MPP4: variants seen among roughly 807,000 people sequenced by gnomAD.
MPP4 encodes the protein MAGUK p55 subfamily member 4.
Under a neutral mutation model 98.3 loss-of-function variants are expected in MPP4, and 91 were observed. The ratio of observed to expected loss-of-function variants is 0.93; its 90% CI spans 0.78 to 1.10. MPP4 has a LOEUF of 1.10. Ranked by LOEUF, MPP4 falls within the 50% of genes least tolerant of loss-of-function variation. The pLI is 0.00. For synonymous variants in MPP4, 261 were observed against 271.8 expected (o/e 0.96, Z 0.39); for missense variants, 744 against 792.9 (o/e 0.94, Z 0.74).
intron 1 of MPP4, among the ~76,000 whole-genome samples, chr2:201,695,139 C>G (rs1443773430): frequency 6.6e-6 from 1 of 152,094 alleles, no homozygotes; most frequent in Non-Finnish European, 1.5e-5. Flanking sequence ...CCACGAAGTC[C>G]TCAGGGAATA....
chr2:201,681,824 C>CT (rs1390660891), intron 8 of MPP4, among the ~76,000 whole-genome samples: 5 of 150,790 alleles, frequency 3.3e-5, no homozygotes, highest in African/African-American at 9.9e-5. Flanking sequence ...CCAGGGACCC[C>CT]CCCCCACCCT....
At chr2:201,678,263 A>G (rs1688571367) in intron 10 of MPP4, among the ~76,000 whole-genome samples, 1 of 150,990 alleles carries the variant, frequency 6.6e-6, no homozygotes, top group Non-Finnish European at 1.5e-5. Flanking sequence ...ATGAGGACTA[A>G]TCTCATTAGG....
chr2:201,663,360 C>T (rs757788977), intron 14 of MPP4, among the ~76,000 whole-genome samples: 4 of 152,184 alleles, frequency 2.6e-5, no homozygotes, highest in Non-Finnish European at 5.9e-5. Flanking sequence ...ACATCAGGGA[C>T]AGTACTAGCC....
chr2:201,693,303 G>A (rs568067977), intron 2 of MPP4, among the ~76,000 whole-genome samples: 1 of 152,250 alleles, frequency 6.6e-6, no homozygotes, highest in Admixed American at 6.5e-5. Context: ...ATAATAGATC[G>A]TGATGTGCAG....
chr2:201,654,811 C>A lies in MPP4; in HGVS notation c.1381+26G>T, dbSNP rs181034495. 3.0e-5 allele frequency: 47 copies of A among 1,550,126 alleles called. No homozygotes were observed. The East Asian group carries it at 8.1e-4, about 27-fold the overall frequency. On this transcript the variant is annotated intron_variant, in intron 18 of 21. Transcript: ENST00000409474. The stretch of plus-strand genomic sequence containing the variant: ...AAGAAAGTTTTACCAAAACACAAAC[C>A]ATTATGAAAGCAGAACTAAACATAC...
intron 10 of MPP4, chr2:201,680,247 A>G (rs1484608884): frequency 6.6e-6 from 1 of 152,574 alleles, no homozygotes; most frequent in Admixed American, 6.5e-5. Flanking sequence ...GGCTGCTATA[A>G]CAAAGTACCG....
chr2:201,682,542 G>A (rs886447822), intron 8 of MPP4, among the ~76,000 whole-genome samples: 1 of 152,212 alleles, frequency 6.6e-6, no homozygotes, highest in Non-Finnish European at 1.5e-5. Flanking sequence ...AGCAAACCAG[G>A]TGATGAGGGA....
intron 18 of MPP4, chr2:201,651,588 A>G: frequency 1.0e-6 from 1 of 985,078 alleles, no homozygotes; most frequent in South Asian, 4.7e-5. Context: ...TGAATGATTA[A>G]AAATCTACGT....
At position 201,685,994 on chromosome 2, in the gene MPP4, A is replaced by T. The variant is rs1367698143; in HGVS notation, c.417T>A (p.Pro139=). Residue 139 remains proline (P), a synonymous_variant, in exon 6 of 22, where the codon CCT becomes CCA. Coordinates refer to ENST00000409474, the MANE Select transcript of MPP4 (RefSeq NM_033066.3). ...IAQKDFEPLL[P]PLPDNIPESE... ...TCTCAGGGATATTGTCTGGCAGTGG[A>T]GGGAGAAGGGGTTCAAAATCTTTCT... 2 of 1,612,912 alleles carry T rather than the reference A, an allele frequency of 1.2e-6. No homozygotes were observed. The highest frequency in any genetic ancestry group is 3.3e-4 in the Middle Eastern group (2 of 6,046).
chr2:201,656,914 A>C (rs1278467949), intron 16 of MPP4, among the ~76,000 whole-genome samples: 1 of 152,210 alleles, frequency 6.6e-6, no homozygotes, highest in Non-Finnish European at 1.5e-5. Context: ...AACAGCAAGG[A>C]AGCCTGTATA....
chr2:201,661,391 A>C (rs977153910), intron 14 of MPP4: 3 of 456,414 alleles, frequency 6.6e-6, no homozygotes, highest in African/African-American at 6.0e-5. Context: ...GCATCATGGA[A>C]TGAATGCCAA....
chr2:201,655,347 C>T lies in MPP4; in HGVS notation c.1301-430G>A, dbSNP rs139753430. Among the ~76,000 whole-genome samples, 128 of 152,276 alleles carry T rather than the reference C, an allele frequency of 8.4e-4. 2 individuals carry two copies. Among genetic ancestry groups the T allele is most frequent in the African/African-American group, 2.8e-3 (116 of 41,544 alleles). ...CAGGGGCACATTCCTGACAGATGAT[C>T]GATCAGCACCCCCATGTCCGGCCGG... On this transcript the variant is annotated intron_variant, in intron 17 of 21. Transcript: ENST00000409474.
At chr2:201,649,467 T>C in intron 20 of MPP4, 109 bp downstream of exon 20, 2 of 761,926 alleles carry the variant, frequency 2.6e-6, no homozygotes, top group Non-Finnish European at 4.4e-6. Flanking sequence ...GCCTTATTCT[T>C]AAAAGGCTAA....
intron 1 of MPP4, among the ~76,000 whole-genome samples, chr2:201,697,227 G>C (rs1208068): frequency 1.1e-3 from 163 of 152,264 alleles, no homozygotes; most frequent in African/African-American, 3.5e-3. Flanking sequence ...AGAACTGTAT[G>C]AGAAAATACA....
chr2:201,681,073 T>C (rs1688652349), intron 9 of MPP4, 39 bp from the exon 10 acceptor site: 1 of 1,586,038 alleles, frequency 6.3e-7, no homozygotes, highest in Non-Finnish European at 8.6e-7. Context: ...AGAAGGTGCC[T>C]AATGGTGCCA....
At chr2:201,648,417 G>A (rs1028123622) in intron 20 of MPP4, among the ~76,000 whole-genome samples, 1 of 152,140 alleles carries the variant, frequency 6.6e-6, no homozygotes, top group Non-Finnish European at 1.5e-5. Context: ...TTAGAGTATA[G>A]TCTCATGTAC....
rs1687521035 is a variant in MPP4, at chr2:201,644,908, CTCTT to C, written c.*298_*301del. On this transcript the variant is annotated 3_prime_UTR_variant, in exon 22 of 22. Transcript: ENST00000409474. The stretch of plus-strand genomic sequence containing the variant: ...CTATTGCTTATTTTATTTAGGAAAG[CTCTT>C]TATTTAAATCTTAAAAAGATCATGT... 9.6e-6 allele frequency: 2 copies of C among 208,572 alleles called. No individual in the cohort carries two copies. The highest frequency in any genetic ancestry group is 1.9e-4 in the South Asian group (1 of 5,402). The allele number at this position is 208,572 out of a possible 1,614,324, so 12.9% of individuals were successfully genotyped here.
Position 201,649,601 on chromosome 2 carries a change from A to C in MPP4, c.1559T>G (p.Ile520Ser), listed in dbSNP as rs753442752. 20 of 1,606,952 alleles carry C rather than the reference A, an allele frequency of 1.2e-5. No individual in the cohort carries two copies. The highest frequency in any genetic ancestry group is 1.6e-5 in the Non-Finnish European group (19 of 1,176,660). Residue 520 changes from isoleucine to serine, a missense_variant, in exon 20 of 22, where the codon ATC becomes AGC. Physicochemically the swap from Ile to Ser is moderately radical, Grantham distance 142. Transcript: ENST00000409474. ...CTGAGGCTCTAGGTCCATGACACAGATCTTTCCTTCGACAAGGACTGTTTG... is the reference window on the plus strand; with the variant it reads ...CTGAGGCTCTAGGTCCATGACACAGCTCTTTCCTTCGACAAGGACTGTTTG... ...AVQTVLVEGKICVMDLEPQDI... is the reference protein window; with the variant it reads ...AVQTVLVEGKSCVMDLEPQDI...
At chr2:201,686,848 GT>G (rs1379853515) in intron 5 of MPP4, among the ~76,000 whole-genome samples, 1 of 152,202 alleles carries the variant, frequency 6.6e-6, no homozygotes, top group African/African-American at 2.4e-5. Flanking sequence ...ATAGGTTTCT[GT>G]TCTGCAATCA....
Sources: allele counts gnomAD v4.1 joint callset (sites outside exome capture counted in the v4.1 genomes callset), GRCh38; gene constraint gnomAD v4.1.1; transcripts MANE v1.5; gene names NCBI Gene and HGNC (gene_info 2026-07-23, HGNC 2026-07-21).